FGGY: variants seen among roughly 807,000 people sequenced by gnomAD.
FGGY encodes the protein FGGY carbohydrate kinase domain-containing protein.
FGGY carries 72 observed loss-of-function variants against 71.3 expected under a neutral mutation model. That is an observed-to-expected ratio of 1.01 (90% CI 0.84 to 1.23). The LOEUF is 1.23. FGGY is among the 50% of genes most tolerant of loss of function. The pLI is 0.00. For missense variants in FGGY, 668 were observed against 682.3 expected (o/e 0.98, Z 0.23); for synonymous variants, 251 against 250.3 (o/e 1.00, Z -0.02).
intron 5 of FGGY, among the ~76,000 whole-genome samples, chr1:59,406,904 TTTAAC>T (rs1218898568): frequency 2.6e-5 from 4 of 152,206 alleles, no homozygotes; most frequent in Admixed American, 2.0e-4. Context: ...CAACCTGTCT[TTTAAC>T]TTATCAATTG....
At chr1:59,592,910 A>G (rs533397161) in intron 8 of FGGY, among the ~76,000 whole-genome samples, 1 of 152,342 alleles carries the variant, frequency 6.6e-6, no homozygotes, top group East Asian at 1.9e-4. Context: ...CATTGTGCAC[A>G]TGTACCCTAG....
chr1:59,464,363 G>A (rs1197162607), intron 6 of FGGY, among the ~76,000 whole-genome samples: 3 of 152,198 alleles, frequency 2.0e-5, no homozygotes, highest in Non-Finnish European at 2.9e-5. Context: ...CACGTTTAAA[G>A]CAGTGTGTAG....
intron 1 of FGGY, among the ~76,000 whole-genome samples, chr1:59,300,785 C>T (rs1326401890): frequency 1.3e-5 from 2 of 152,062 alleles, no homozygotes; most frequent in African/African-American, 4.8e-5. Context: ...AATCAATTTA[C>T]CATGTATACA....
intron 14 of FGGY, among the ~76,000 whole-genome samples, chr1:59,728,767 C>G (rs1159655671): frequency 6.6e-6 from 1 of 152,046 alleles, no homozygotes; most frequent in Non-Finnish European, 1.5e-5. Context: ...GTTTGTTTCT[C>G]TATAGATTAG....
At chr1:59,555,861 C>T (rs1356708653) in intron 8 of FGGY, among the ~76,000 whole-genome samples, 4 of 152,024 alleles carry the variant, frequency 2.6e-5, no homozygotes, top group South Asian at 2.1e-4. Context: ...ATTAGCCGGG[C>T]GTGGTGGCAG....
intron 12 of FGGY, 103 bp from the exon 13 acceptor site, chr1:59,667,180 A>C: frequency 5.8e-6 from 8 of 1,387,794 alleles, no homozygotes; most frequent in Non-Finnish European, 8.1e-6. Flanking sequence ...TAGTGTATGT[A>C]GAGCTTAGTA....
intron 6 of FGGY, among the ~76,000 whole-genome samples, chr1:59,472,193 G>T (rs2092981932): frequency 6.6e-6 from 1 of 152,230 alleles, no homozygotes; most frequent in Non-Finnish European, 1.5e-5. Flanking sequence ...TTCCGGGTGG[G>T]TGTGGGCTCG....
chr1:59,465,989 G>T (rs536106722), intron 6 of FGGY, among the ~76,000 whole-genome samples: 1 of 152,052 alleles, frequency 6.6e-6, no homozygotes, highest in East Asian at 1.9e-4. Context: ...TTTCTTCACA[G>T]AACTGAAAAA....
intron 11 of FGGY, among the ~76,000 whole-genome samples, chr1:59,644,853 T>A (rs1176903892): frequency 1.3e-5 from 2 of 152,024 alleles, no homozygotes; most frequent in Non-Finnish European, 2.9e-5. Flanking sequence ...GGCACACACC[T>A]ATGGTCCCAG....
chr1:59,607,198 G>A (rs868522623), intron 8 of FGGY, among the ~76,000 whole-genome samples: 2 of 152,122 alleles, frequency 1.3e-5, no homozygotes, highest in African/African-American at 2.4e-5. Flanking sequence ...ATGTTACCTG[G>A]GTTCTTTCAT....
At chr1:59,360,469 G>C (rs1281365862) in intron 4 of FGGY, among the ~76,000 whole-genome samples, 2 of 152,160 alleles carry the variant, frequency 1.3e-5, no homozygotes, top group African/African-American at 4.8e-5. Flanking sequence ...GAGTGGTGAA[G>C]GAGTACTGAG....
At chr1:59,569,593 C>G (rs190653099) in intron 8 of FGGY, among the ~76,000 whole-genome samples, 2 of 152,230 alleles carry the variant, frequency 1.3e-5, no homozygotes, top group Non-Finnish European at 2.9e-5. Context: ...GTGGGTCCCA[C>G]GAACAAAGAT....
chr1:59,341,533 TC>T (rs1402048974), intron 3 of FGGY, among the ~76,000 whole-genome samples: 1 of 152,194 alleles, frequency 6.6e-6, no homozygotes, highest in African/African-American at 2.4e-5. Flanking sequence ...TTTTCCCTCT[TC>T]TTGCGACATT....
chr1:59,374,239 T>C (rs1052551498), intron 4 of FGGY, among the ~76,000 whole-genome samples: 2 of 151,900 alleles, frequency 1.3e-5, no homozygotes, highest in Non-Finnish European at 2.9e-5. Context: ...AAAAAGTGGG[T>C]GCAGGACATG....
chr1:59,743,487 A>G (rs1049683864), intron 14 of FGGY, among the ~76,000 whole-genome samples: 1 of 152,238 alleles, frequency 6.6e-6, no homozygotes, highest in Non-Finnish European at 1.5e-5. Flanking sequence ...ATCTGGCTCA[A>G]ACTTCCCATT....
chr1:59,535,065 G>A (rs1467859001), intron 7 of FGGY, among the ~76,000 whole-genome samples: 3 of 152,140 alleles, frequency 2.0e-5, no homozygotes, highest in African/African-American at 4.8e-5. Flanking sequence ...AGACCCATCA[G>A]TGTGCTGTAT....
Position 59,478,717 on chromosome 1 carries a change from A to G in FGGY, c.670+21641A>G, listed in dbSNP as rs947620203. Among the ~76,000 whole-genome samples the G allele has an allele frequency of 2.6e-5, 4 of 152,242 alleles. No individual in the cohort carries two copies. The South Asian group carries it at 8.3e-4, about 31-fold the overall frequency. The stretch of plus-strand genomic sequence containing the variant: ...GGCTAGAAATAGAGATTTGGAAGTC[A>G]TAAGTGTAGATGATATTTGAAGCCA... On this transcript the variant is annotated intron_variant, in intron 6 of 15. Transcript: ENST00000303721.
chr1:59,365,094 C>A (rs2056341930), intron 4 of FGGY, among the ~76,000 whole-genome samples: 2 of 152,148 alleles, frequency 1.3e-5, no homozygotes, highest in Non-Finnish European at 2.9e-5. Context: ...ATCCAGGAGA[C>A]ATGTCTCAGA....
At chr1:59,453,669 G>C (rs939721833) in intron 5 of FGGY, among the ~76,000 whole-genome samples, 2 of 152,134 alleles carry the variant, frequency 1.3e-5, no homozygotes, top group African/African-American at 2.4e-5. Flanking sequence ...CAGTGGACTA[G>C]CCTAGAATGA....
Sources: gnomAD v4.1 joint callset for allele counts (sites outside exome capture counted in the v4.1 genomes callset) on GRCh38, gnomAD v4.1.1 for gene constraint, MANE v1.5 for transcripts, NCBI Gene and HGNC (gene_info 2026-07-23, HGNC 2026-07-21) for gene names.